Variants in EIF2AK4 observed in about 807,000 individuals in gnomAD.
EIF2AK4 encodes the protein eukaryotic translation initiation factor 2 alpha kinase 4, also known as eIF-2-alpha kinase GCN2.
Under a neutral mutation model 211.1 loss-of-function variants are expected in EIF2AK4, and 139 were observed. The ratio of observed to expected loss-of-function variants is 0.66; its 90% CI spans 0.57 to 0.76. The LOEUF (loss-of-function observed/expected upper bound fraction) is 0.76. Among genes scored for constraint, EIF2AK4 ranks in the 30% least tolerant of loss-of-function variants. The pLI is 0.00. For synonymous variants in EIF2AK4, 710 were observed against 751.3 expected (o/e 0.94, Z 0.90); for missense variants, 1,664 against 2,043.8 (o/e 0.81, Z 3.58).
At chr15:39,944,749 G>A (rs996467252) in intron 3 of EIF2AK4, among the ~76,000 whole-genome samples, 1 of 152,060 alleles carries the variant, frequency 6.6e-6, no homozygotes, top group Non-Finnish European at 1.5e-5. Flanking sequence ...CTCTTTATGT[G>A]AAAACTAAGA....
At chr15:39,948,091 A>G (rs767528516) in intron 3 of EIF2AK4, among the ~76,000 whole-genome samples, 26 of 152,222 alleles carry the variant, frequency 1.7e-4, no homozygotes, top group Non-Finnish European at 2.5e-4. Context: ...AGTAAATGCC[A>G]CAGCTTCTGG....
intron 24 of EIF2AK4, 49 bp downstream of exon 24, chr15:40,007,114 A>G: frequency 6.9e-7 from 1 of 1,440,688 alleles, no homozygotes; most frequent in Non-Finnish European, 9.7e-7. Context: ...AAAATAGTTG[A>G]ATAATTTGTC....
chr15:39,947,493 TA>T (rs1256980780), intron 3 of EIF2AK4, among the ~76,000 whole-genome samples: 2 of 152,246 alleles, frequency 1.3e-5, no homozygotes, highest in African/African-American at 4.8e-5. Flanking sequence ...AGCCAAAGTT[TA>T]TTTTTTTATT....
At position 39,990,456 on chromosome 15, in the gene EIF2AK4, A is replaced by G. The variant is rs1213759298; in HGVS notation, c.2631+79A>G. On this transcript the variant is annotated intron_variant, in intron 16 of 38. Coordinates refer to ENST00000263791, the MANE Select transcript of EIF2AK4 (RefSeq NM_001013703.4). Reference sequence around the variant, plus strand: ...AATCCTGGAAGTGTTAGCGGATAGAATAGTGCGTTCACAGAACTATGCCGT... The same window carrying G: ...AATCCTGGAAGTGTTAGCGGATAGAGTAGTGCGTTCACAGAACTATGCCGT... 6 of 1,221,730 alleles carry G rather than the reference A, an allele frequency of 4.9e-6. No individual in the cohort carries two copies. In the African/African-American group the frequency reaches 7.5e-5, roughly 15 times the overall value. The allele number at this position is 1,221,730 out of a possible 1,614,324, so 75.7% of individuals were successfully genotyped here.
chr15:39,969,652 G>A (rs556732224), intron 9 of EIF2AK4, among the ~76,000 whole-genome samples: 7 of 152,098 alleles, frequency 4.6e-5, no homozygotes, highest in African/African-American at 9.7e-5. Flanking sequence ...GAGCCATAGC[G>A]CATGGCCTTC....
intron 4 of EIF2AK4, chr15:39,951,396 G>T (rs1325257869): frequency 1.0e-5 from 3 of 289,006 alleles, no homozygotes; most frequent in Non-Finnish European, 2.0e-5. Flanking sequence ...TATGTGTCAT[G>T]CTAGCTGGAT....
intron 9 of EIF2AK4, 77 bp from the exon 10 acceptor site, chr15:39,972,831 C>T (rs1381906361): frequency 9.0e-7 from 1 of 1,107,462 alleles, no homozygotes; most frequent in Non-Finnish European, 1.4e-6. Flanking sequence ...AAAATAAACC[C>T]ATAGTTAATG....
At chr15:39,978,806 A>G (rs1346359438) in intron 13 of EIF2AK4, among the ~76,000 whole-genome samples, 1 of 152,202 alleles carries the variant, frequency 6.6e-6, no homozygotes, top group Admixed American at 6.5e-5. Flanking sequence ...TCATCTGTTG[A>G]CAAAATAGCT....
intron 7 of EIF2AK4, among the ~76,000 whole-genome samples, chr15:39,965,320 C>T (rs2034527851): frequency 6.6e-6 from 1 of 152,132 alleles, no homozygotes; most frequent in Non-Finnish European, 1.5e-5. Context: ...GACGGGGTTT[C>T]ACCATGTTGT....
At chr15:40,033,149 G>C (rs1009364869) in intron 37 of EIF2AK4, among the ~76,000 whole-genome samples, 1 of 152,168 alleles carries the variant, frequency 6.6e-6, no homozygotes, top group African/African-American at 2.4e-5. Flanking sequence ...CCAAAATGTA[G>C]ATACTGTTAT....
At chr15:39,951,285 G>C (rs1246451046) in intron 4 of EIF2AK4, 3 of 163,836 alleles carry the variant, frequency 1.8e-5, no homozygotes, top group Admixed American at 1.3e-4. Flanking sequence ...CTGCCTCCCG[G>C]GTTCAATTGA....
rs4432245 is a variant in EIF2AK4, at chr15:40,032,280, T to C, written c.4728+43T>C. ...GTATTTTGAAGGTGGCTTCTGTCCATACTGTCAAAGTAGTTGCCTCAGGGT... is the reference window on the plus strand; with the variant it reads ...GTATTTTGAAGGTGGCTTCTGTCCACACTGTCAAAGTAGTTGCCTCAGGGT... On this transcript the variant is annotated intron_variant, in intron 36 of 38. Transcript: ENST00000263791. 0.073 allele frequency: 115,398 copies of C among 1,573,514 alleles called. 13,063 individuals are homozygous for C. Among genetic ancestry groups the C allele is most frequent in the East Asian group, 0.44 (19,791 of 44,624 alleles).
At chr15:40,024,422 T>C (rs1481096718) in intron 32 of EIF2AK4, among the ~76,000 whole-genome samples, 2 of 143,436 alleles carry the variant, frequency 1.4e-5, no homozygotes, top group African/African-American at 5.6e-5. Context: ...TTTTTTTTTT[T>C]TTTTGAGATG....
chr15:40,014,574 AG>A (rs1332482101), intron 27 of EIF2AK4, among the ~76,000 whole-genome samples: 1 of 152,208 alleles, frequency 6.6e-6, no homozygotes, highest in Non-Finnish European at 1.5e-5. Flanking sequence ...TACATAGAGG[AG>A]GGGGGCCCTG....
In EIF2AK4 at chr15:40,026,049, C is replaced by T; in HGVS notation, c.4462C>T (p.Gln1488Ter). 1.2e-6 allele frequency: 2 copies of T among 1,614,124 alleles called. No homozygotes were observed. Among genetic ancestry groups the T allele is most frequent in the Non-Finnish European group, 8.5e-7 (1 of 1,180,018 alleles). ...LETELVDHVL[Q>*]KLRTKVTDER... ...GACTGAACTTGTGGACCATGTACTG[C>T]AGAAACTGAGGACTAAAGTCACTGA... The change falls in exon 33 of 39, where the codon CAG (glutamine) becomes TAG (stop). Residue 1488 changes from glutamine to a stop codon, truncating the protein, a stop_gained. Transcript: ENST00000263791. LOFTEE classifies it high-confidence loss of function.
intron 2 of EIF2AK4, among the ~76,000 whole-genome samples, chr15:39,942,674 CTT>C (rs1472237062): frequency 2.0e-5 from 3 of 152,058 alleles, no homozygotes; most frequent in African/African-American, 7.2e-5. Context: ...GTGTAATGTC[CTT>C]GAGTTGAAAG....
At chr15:39,940,277 C>T (rs1466007864) in intron 2 of EIF2AK4, among the ~76,000 whole-genome samples, 1 of 152,210 alleles carries the variant, frequency 6.6e-6, no homozygotes, top group Non-Finnish European at 1.5e-5. Flanking sequence ...GCCATCAGCA[C>T]TTAAGCATGT....
intron 32 of EIF2AK4, among the ~76,000 whole-genome samples, chr15:40,025,716 C>G (rs2035457876): frequency 6.6e-6 from 1 of 152,192 alleles, no homozygotes; most frequent in South Asian, 2.1e-4. Flanking sequence ...CAGCGCTGTT[C>G]ACATTTTGGG....
At chr15:40,024,272 G>A (rs1388870481) in intron 32 of EIF2AK4, among the ~76,000 whole-genome samples, 3 of 149,026 alleles carry the variant, frequency 2.0e-5, no homozygotes, top group African/African-American at 2.6e-5. Context: ...GGCCTTGAAC[G>A]CCTGGGCTCA....
Sources: allele counts gnomAD v4.1 joint callset (sites outside exome capture counted in the v4.1 genomes callset), GRCh38; gene constraint gnomAD v4.1.1; transcripts MANE v1.5; gene names NCBI Gene and HGNC (gene_info 2026-07-23, HGNC 2026-07-21).